The following CEP85L variants were observed in gnomAD, a reference collection of about 807,000 sequenced individuals.
CEP85L encodes centrosomal protein 85L.
CEP85L carries 60 observed loss-of-function variants against 100.3 expected under a neutral mutation model. The ratio of observed to expected loss-of-function variants is 0.60; its 90% CI spans 0.49 to 0.74. CEP85L has a LOEUF of 0.74. Ranked by LOEUF, CEP85L falls within the 30% of genes least tolerant of loss-of-function variation. The pLI, the probability that CEP85L is intolerant of heterozygous loss-of-function variation, is 0.00. For missense variants in CEP85L, 973 were observed against 936.2 expected, an observed-to-expected ratio of 1.04 and a Z score of -0.51; for synonymous variants, 319 against 322.7, an observed-to-expected ratio of 0.99 and a Z score of 0.12.
intron 1 of CEP85L, among the ~76,000 whole-genome samples, chr6:118,699,788 G>A (rs1777351366): frequency 6.6e-6 from 1 of 152,120 alleles, no homozygotes; most frequent in South Asian, 2.1e-4. Context: ...TCCGCCTCCT[G>A]GGTTCAAGTG....
At chr6:118,654,712 A>G (rs1045278672), upstream of CEP85L, among the ~76,000 whole-genome samples, 1 of 152,236 alleles carries the variant, frequency 6.6e-6, no homozygotes, top group African/African-American at 2.4e-5. Flanking sequence ...TGGAAAACAA[A>G]TAGGTTACTT....
chr6:118,469,122 T>C lies in CEP85L; in HGVS notation c.2204A>G (p.Gln735Arg), dbSNP rs777753792. Reference protein sequence around the residue: ...DLKALCSILNQRAQGKEPNLS... With the variant: ...DLKALCSILNRRAQGKEPNLS... ...ATTAGGCTCCTTGCCCTGAGCACGC[T>C]GATTAAGAATACTACACAATGCTTT... The change falls in exon 12 of 13, where the codon CAG (glutamine) becomes CGG (arginine). Residue 735 changes from glutamine to arginine, a missense_variant. Transcript: ENST00000368491. 7 of 1,613,980 alleles carry C rather than the reference T, an allele frequency of 4.3e-6. No individual in the cohort carries two copies. The highest frequency in any genetic ancestry group is 5.9e-6 in the Non-Finnish European group (7 of 1,179,864).
chr6:118,687,856 C>T (rs913368072), intron 1 of CEP85L, among the ~76,000 whole-genome samples: 1 of 152,194 alleles, frequency 6.6e-6, no homozygotes, highest in African/African-American at 2.4e-5. Context: ...CATTGCCACT[C>T]CCAATCGGGC....
chr6:118,689,815 C>A (rs1776971717), intron 1 of CEP85L, among the ~76,000 whole-genome samples: 1 of 151,944 alleles, frequency 6.6e-6, no homozygotes, highest in Admixed American at 6.5e-5. Flanking sequence ...CTCTTCACAA[C>A]ATGTTTTGCT....
intron 3 of CEP85L, among the ~76,000 whole-genome samples, chr6:118,557,267 C>G (rs1778932919): frequency 6.6e-6 from 1 of 151,968 alleles, no homozygotes; most frequent in Admixed American, 6.5e-5. Flanking sequence ...TATGCATTTC[C>G]TTTTTATGAG....
intron 1 of CEP85L, among the ~76,000 whole-genome samples, chr6:118,650,899 G>C (rs1775509698): frequency 6.6e-6 from 1 of 152,218 alleles, no homozygotes. Context: ...AAAAAACCGG[G>C]CAGACAATAA....
At chr6:118,650,126 A>G (rs1775448419) in intron 1 of CEP85L, among the ~76,000 whole-genome samples, 1 of 152,206 alleles carries the variant, frequency 6.6e-6, no homozygotes, top group Non-Finnish European at 1.5e-5. Context: ...TCTCTAAGTT[A>G]CACAAGTCGA....
intron 10 of CEP85L, among the ~76,000 whole-genome samples, chr6:118,472,308 T>C (rs560179051): frequency 1.3e-5 from 2 of 152,100 alleles, no homozygotes; most frequent in African/African-American, 4.8e-5. Flanking sequence ...TCTGGCAGTA[T>C]TGCCATTTAT....
chr6:118,699,119 C>T (rs911582700), intron 1 of CEP85L, among the ~76,000 whole-genome samples: 3 of 152,028 alleles, frequency 2.0e-5, no homozygotes, highest in Non-Finnish European at 4.4e-5. Flanking sequence ...GAATTAAGTG[C>T]TTATAAAATC....
intron 3 of CEP85L, among the ~76,000 whole-genome samples, chr6:118,526,820 C>T (rs893567975): frequency 2.0e-5 from 3 of 152,088 alleles, no homozygotes; most frequent in Non-Finnish European, 2.9e-5. Context: ...CTTAAGTCAC[C>T]CTATATGGTC....
chr6:118,468,357 A>G (rs1013270448), intron 12 of CEP85L, among the ~76,000 whole-genome samples: 1 of 152,192 alleles, frequency 6.6e-6, no homozygotes. Context: ...ACCTTATTAT[A>G]TGGTCTTACT....
At chr6:118,540,789 A>C (rs1469402119) in intron 3 of CEP85L, among the ~76,000 whole-genome samples, 1 of 140,218 alleles carries the variant, frequency 7.1e-6, no homozygotes, top group South Asian at 2.2e-4. Flanking sequence ...TAAATAAATA[A>C]ATAAATAATG....
chr6:118,471,793 A>C (rs1418403507), intron 10 of CEP85L, among the ~76,000 whole-genome samples: 1 of 151,270 alleles, frequency 6.6e-6, no homozygotes, highest in Admixed American at 6.6e-5. Flanking sequence ...CCAAGTCAAC[A>C]AGGGGCTCTC....
chr6:118,484,048 G>T (rs996613707), intron 6 of CEP85L, among the ~76,000 whole-genome samples, 190 bp from the exon 7 acceptor site: 2 of 152,168 alleles, frequency 1.3e-5, no homozygotes, highest in East Asian at 3.8e-4. Flanking sequence ...GGTGGCTCAT[G>T]CCTGTAATCC....
chr6:118,682,749 A>G (rs1776707018), intron 1 of CEP85L, among the ~76,000 whole-genome samples: 1 of 141,550 alleles, frequency 7.1e-6, no homozygotes, highest in East Asian at 2.0e-4. Flanking sequence ...CACCCCTGAA[A>G]TATGCATGCA....
intron 1 of CEP85L, among the ~76,000 whole-genome samples, chr6:118,650,188 T>C (rs6923686): frequency 0.68 from 102,801 of 152,052 alleles, 35,461 homozygotes; most frequent in Middle Eastern, 0.74. Flanking sequence ...CAGAAACAGC[T>C]AAAATTGTAG....
At chr6:118,695,994 G>A (rs1777196216) in intron 1 of CEP85L, among the ~76,000 whole-genome samples, 1 of 152,162 alleles carries the variant, frequency 6.6e-6, no homozygotes, top group African/African-American at 2.4e-5. Flanking sequence ...TAGGAGGCGG[G>A]GCATGGTGGT....
chr6:118,550,973 A>T (rs2114928117), intron 3 of CEP85L, among the ~76,000 whole-genome samples: 1 of 151,888 alleles, frequency 6.6e-6, no homozygotes, highest in Non-Finnish European at 1.5e-5. Context: ...CAAAATTCAA[A>T]CTAACTGCAC....
chr6:118,483,257 AAGTC>A (rs1389539957), intron 7 of CEP85L, among the ~76,000 whole-genome samples: 4 of 152,094 alleles, frequency 2.6e-5, no homozygotes, highest in African/African-American at 4.8e-5. Flanking sequence ...ATAAAAGAAA[AAGTC>A]AGAGGAGTTA....
Sources: allele counts gnomAD v4.1 joint callset (sites outside exome capture counted in the v4.1 genomes callset), GRCh38; gene constraint gnomAD v4.1.1; transcripts MANE v1.5; gene names NCBI Gene and HGNC (gene_info 2026-07-23, HGNC 2026-07-21).